Variants in AGBL4 observed in about 807,000 individuals in gnomAD.
The protein encoded by AGBL4 is cytosolic carboxypeptidase 6.
A neutral mutation model predicts 66.4 loss-of-function variants in AGBL4; 58 were observed. The observed-to-expected ratio is 0.87, with a 90% CI of 0.71 to 1.09. The LOEUF (loss-of-function observed/expected upper bound fraction) is 1.09, where lower values mean the gene tolerates loss of function less well. Ranked by LOEUF, AGBL4 falls within the 50% of genes least tolerant of loss-of-function variation. AGBL4 has a pLI of 0.00. For missense variants in AGBL4, 579 were observed against 631.0 expected (o/e 0.92, Z 0.88); for synonymous variants, 234 against 222.9 (o/e 1.05, Z -0.44).
intron 3 of AGBL4, among the ~76,000 whole-genome samples, chr1:49,392,301 T>G (rs965558052): frequency 3.9e-5 from 6 of 152,184 alleles, no homozygotes; most frequent in South Asian, 2.1e-4. Context: ...GTTCTATTTT[T>G]GGGGGCATTA....
chr1:49,713,619 TAC>T (rs1265336008), intron 2 of AGBL4, among the ~76,000 whole-genome samples: 6 of 152,128 alleles, frequency 3.9e-5, no homozygotes, highest in Non-Finnish European at 8.8e-5. Context: ...TACATATATA[TAC>T]ACACACATAC....
chr1:49,046,167 T>G (rs543735202), intron 4 of AGBL4, among the ~76,000 whole-genome samples: 5 of 152,252 alleles, frequency 3.3e-5, no homozygotes, highest in Non-Finnish European at 7.3e-5. Flanking sequence ...TGGATAATAG[T>G]GGGGAAGCGG....
intron 11 of AGBL4, among the ~76,000 whole-genome samples, chr1:48,552,400 TAA>T (rs1644262835): frequency 6.6e-6 from 1 of 152,212 alleles, no homozygotes; most frequent in South Asian, 2.1e-4. Context: ...ATTCAACAGA[TAA>T]GTTATCAATC....
At chr1:48,931,891 G>A (rs1349385633) in intron 5 of AGBL4, among the ~76,000 whole-genome samples, 2 of 152,112 alleles carry the variant, frequency 1.3e-5, no homozygotes, top group African/African-American at 4.8e-5. Flanking sequence ...GTGACTGAAC[G>A]AATGTGGTTA....
chr1:48,605,846 G>A (rs549530435), intron 9 of AGBL4, among the ~76,000 whole-genome samples: 2 of 152,288 alleles, frequency 1.3e-5, no homozygotes, highest in South Asian at 2.1e-4. Context: ...GTGATACAAC[G>A]GGTAAAAAAT....
At chr1:49,060,973 T>C (rs886685283) in intron 4 of AGBL4, among the ~76,000 whole-genome samples, 1 of 152,162 alleles carries the variant, frequency 6.6e-6, no homozygotes, top group African/African-American at 2.4e-5. Context: ...AAAAATGAGT[T>C]GGTCCAAAAA....
chr1:49,225,014 GA>G (rs909861228), intron 4 of AGBL4, among the ~76,000 whole-genome samples: 41 of 152,246 alleles, frequency 2.7e-4, no homozygotes, highest in Non-Finnish European at 4.4e-4. Flanking sequence ...CAGATAGTGG[GA>G]AAGTTATTAA....
chr1:48,613,937 T>C (rs1645279195), intron 9 of AGBL4, among the ~76,000 whole-genome samples: 2 of 152,248 alleles, frequency 1.3e-5, no homozygotes, highest in Non-Finnish European at 2.9e-5. Flanking sequence ...AATTATGAGT[T>C]AAGGCCATGA....
At chr1:49,286,711 G>C (rs968110093) in intron 3 of AGBL4, among the ~76,000 whole-genome samples, 1 of 151,976 alleles carries the variant, frequency 6.6e-6, no homozygotes, top group African/African-American at 2.4e-5. Flanking sequence ...GGAAATAAAA[G>C]AGGATACAAA....
At chr1:48,870,926 C>A (rs576338557) in intron 5 of AGBL4, among the ~76,000 whole-genome samples, 31 of 152,258 alleles carry the variant, frequency 2.0e-4, no homozygotes, top group Admixed American at 5.9e-4. Context: ...GACTCTGCAA[C>A]AATTTTTAGC....
At chr1:50,000,056 C>T (rs948091048) in intron 1 of AGBL4, among the ~76,000 whole-genome samples, 6 of 151,962 alleles carry the variant, frequency 3.9e-5, no homozygotes, top group African/African-American at 1.4e-4. Flanking sequence ...GCAACAAAAA[C>T]AAAGATAAAA....
chr1:48,953,064 A>G (rs975158178), intron 5 of AGBL4, among the ~76,000 whole-genome samples: 1 of 152,170 alleles, frequency 6.6e-6, no homozygotes, highest in Non-Finnish European at 1.5e-5. Context: ...CTGAGGATCA[A>G]CTGAGATAAT....
intron 3 of AGBL4, among the ~76,000 whole-genome samples, chr1:49,399,751 C>T (rs1485729435): frequency 6.6e-6 from 1 of 152,016 alleles, no homozygotes; most frequent in African/African-American, 2.4e-5. Flanking sequence ...TTATTAATCC[C>T]TTGTCAGATG....
intron 5 of AGBL4, among the ~76,000 whole-genome samples, chr1:48,889,515 A>G (rs1650704043): frequency 6.6e-6 from 1 of 152,260 alleles, no homozygotes; most frequent in African/African-American, 2.4e-5. Context: ...TAAGAAAAAT[A>G]AATTGTACAT....
chr1:48,855,583 A>G (rs559352977), intron 6 of AGBL4, among the ~76,000 whole-genome samples: 1 of 152,348 alleles, frequency 6.6e-6, no homozygotes, highest in African/African-American at 2.4e-5. Flanking sequence ...ATAAAGCCCA[A>G]TAATTCCTTA....
intron 3 of AGBL4, among the ~76,000 whole-genome samples, chr1:49,444,937 C>A (rs1031706825): frequency 4.6e-5 from 7 of 151,654 alleles, no homozygotes; most frequent in Non-Finnish European, 2.9e-5. Flanking sequence ...ATTACTTTAC[C>A]AGTGAGCTTT....
intron 4 of AGBL4, among the ~76,000 whole-genome samples, chr1:49,185,802 C>A (rs1460217579): frequency 6.6e-6 from 1 of 152,082 alleles, no homozygotes; most frequent in African/African-American, 2.4e-5. Context: ...TGGTCCTTGA[C>A]CCAATCCTAT....
chr1:50,010,792 T>A (rs561771559), intron 1 of AGBL4, among the ~76,000 whole-genome samples: 1 of 152,304 alleles, frequency 6.6e-6, no homozygotes, highest in Non-Finnish European at 1.5e-5. Context: ...TAGACCTCTA[T>A]CTCTTGCCAC....
At chr1:48,686,874 G>C (rs1403329872) in intron 6 of AGBL4, among the ~76,000 whole-genome samples, 5 of 152,218 alleles carry the variant, frequency 3.3e-5, no homozygotes, top group African/African-American at 1.2e-4. Context: ...AGGCCATCCT[G>C]AGTGACTCTG....
Sources: allele counts gnomAD v4.1 joint callset (sites outside exome capture counted in the v4.1 genomes callset), GRCh38; gene constraint gnomAD v4.1.1; transcripts MANE v1.5; gene names NCBI Gene and HGNC (gene_info 2026-07-23, HGNC 2026-07-21).